The following NEK4 variants were observed in gnomAD, a reference collection of about 807,000 sequenced individuals.
NEK4 encodes the protein NIMA related kinase 4.
NEK4 carries 86 observed loss-of-function variants against 98.4 expected under a neutral mutation model. The observed-to-expected ratio is 0.87, with a 90% CI of 0.73 to 1.05. NEK4 has a LOEUF of 1.05. NEK4 is among the 50% of genes least tolerant of loss of function. NEK4 has a pLI of 0.00. For missense variants in NEK4, 898 were observed against 950.3 expected, an observed-to-expected ratio of 0.94 and a Z score of 0.72; for synonymous variants, 328 against 342.2, an observed-to-expected ratio of 0.96 and a Z score of 0.46.
At chr3:52,715,996 G>A (rs1224849915) in intron 15 of NEK4, among the ~76,000 whole-genome samples, 1 of 152,208 alleles carries the variant, frequency 6.6e-6, no homozygotes, top group Non-Finnish European at 1.5e-5. Context: ...GGTGCCAGCA[G>A]TGGAAGCTGC....
intron 10 of NEK4, among the ~76,000 whole-genome samples, chr3:52,744,920 G>T (rs1386719618): frequency 6.6e-5 from 10 of 151,322 alleles, no homozygotes; most frequent in Non-Finnish European, 1.5e-4. Context: ...AATCTACTTG[G>T]TTTCTTTTTT....
chr3:52,763,332 C>A, intron 5 of NEK4, 138 bp downstream of exon 5: 1 of 871,328 alleles, frequency 1.1e-6, no homozygotes, highest in Non-Finnish European at 1.7e-6. Flanking sequence ...ATTTTGCCTC[C>A]TCTACATATG....
chr3:52,719,105 C>T (rs796833138), intron 15 of NEK4, among the ~76,000 whole-genome samples: 10 of 152,304 alleles, frequency 6.6e-5, no homozygotes, highest in African/African-American at 2.2e-4. Flanking sequence ...GAGGAGTACT[C>T]TTAAAGGCAG....
In NEK4 at chr3:52,746,772, T is replaced by C. The variant is rs758211058; in HGVS notation, c.1639A>G (p.Arg547Gly). The C allele has an allele frequency of 4.3e-6, 7 of 1,614,018 alleles. No individual in the cohort carries two copies. Among genetic ancestry groups the C allele is most frequent in the Non-Finnish European group, 5.9e-6 (7 of 1,179,992 alleles). The part of the protein sequence containing the change: ...RQKRREQTEH[R>G]GEKRQVRRDL... ...CTGCGGACCTGTCTCTTTTCCCCTCTGTGCTCAGTCTGTTCTCTCCTCTTT... is the reference window on the plus strand; with the variant it reads ...CTGCGGACCTGTCTCTTTTCCCCTCCGTGCTCAGTCTGTTCTCTCCTCTTT... The change falls in exon 9 of 16, where the codon AGA (arginine) becomes GGA (glycine). Residue 547 changes from arginine to glycine, a missense_variant. Arg to Gly is a moderately radical substitution (Grantham distance 125). Coordinates refer to ENST00000233027, the MANE Select transcript of NEK4 (RefSeq NM_003157.6).
intron 15 of NEK4, among the ~76,000 whole-genome samples, chr3:52,718,064 G>A (rs185134842): frequency 1.3e-5 from 2 of 152,168 alleles, no homozygotes; most frequent in East Asian, 3.9e-4. Flanking sequence ...AAGGTTCTGG[G>A]ATCACAGGCG....
At chr3:52,733,752 C>G (rs2097372216) in intron 15 of NEK4, 2 of 442,430 alleles carry the variant, frequency 4.5e-6, no homozygotes, top group Admixed American at 5.1e-5. Flanking sequence ...ATAATTCATA[C>G]TGGAGAGAGA....
chr3:52,718,346 G>A (rs1016355140), intron 15 of NEK4, among the ~76,000 whole-genome samples: 4 of 151,418 alleles, frequency 2.6e-5, no homozygotes, highest in Middle Eastern at 3.4e-3. Flanking sequence ...GGTGGCAGAC[G>A]CCAGTAATCC....
At chr3:52,721,704 C>G (rs2097360252) in intron 15 of NEK4, among the ~76,000 whole-genome samples, 1 of 151,172 alleles carries the variant, frequency 6.6e-6, no homozygotes, top group Non-Finnish European at 1.5e-5. Flanking sequence ...CCATTGTACT[C>G]CAGCCTGGGT....
At chr3:52,753,201 G>A (rs1336602121) in intron 6 of NEK4, among the ~76,000 whole-genome samples, 2 of 152,010 alleles carry the variant, frequency 1.3e-5, no homozygotes, top group Non-Finnish European at 2.9e-5. Context: ...CTACTTGGAA[G>A]CCTGAGTGGG....
At chr3:52,731,915 A>C (rs1034547501) in intron 15 of NEK4, among the ~76,000 whole-genome samples, 1 of 152,208 alleles carries the variant, frequency 6.6e-6, no homozygotes, top group Non-Finnish European at 1.5e-5. Flanking sequence ...GGTTCTCATG[A>C]TAGTGAGTAA....
rs1431465309 is a variant in NEK4 at position 52,709,378 on chromosome 3, CAAAAT to C, written c.*2394_*2398del. On this transcript the variant is annotated 3_prime_UTR_variant, in exon 16 of 16. Transcript: ENST00000233027. ...AAAGTGGGAAGAAAAGATGTTTAAA[CAAAAT>C]AAAAATATACAGTATGGTAATTAAT... 2 of 151,842 alleles carry C rather than the reference CAAAAT, an allele frequency of 1.3e-5. No individual in the cohort carries two copies. Among genetic ancestry groups the C allele is most frequent in the South Asian group, 2.1e-4 (1 of 4,822 alleles). The allele number at this position is 151,842 out of a possible 1,614,324, so 9.4% of individuals were successfully genotyped here. A position where few individuals can be genotyped will look rare whatever the true frequency, so the allele number is the denominator to read the frequency against.
intron 15 of NEK4, among the ~76,000 whole-genome samples, chr3:52,728,311 G>A (rs917403164): frequency 1.3e-5 from 2 of 152,204 alleles, no homozygotes; most frequent in Non-Finnish European, 2.9e-5. Flanking sequence ...TAGAGGTAGA[G>A]GTTACAGAGA....
chr3:52,755,945 T>C (rs2097414399), intron 6 of NEK4, among the ~76,000 whole-genome samples: 1 of 152,002 alleles, frequency 6.6e-6, no homozygotes, highest in African/African-American at 2.4e-5. Context: ...TTTACAATAG[T>C]ATCAAAAATA....
chr3:52,739,678 A>G, intron 13 of NEK4, 44 bp from the exon 14 acceptor site: 1 of 1,520,942 alleles, frequency 6.6e-7, no homozygotes, highest in South Asian at 1.2e-5. Context: ...TGGCTTCATG[A>G]GAATTTTTCA....
chr3:52,714,841 C>T (rs11716747), intron 15 of NEK4, among the ~76,000 whole-genome samples: 69,224 of 152,082 alleles, frequency 0.46, 16,076 homozygotes, highest in Admixed American at 0.52. Context: ...TAAGCCCAGG[C>T]GCGGTCAAAG....
At chr3:52,720,062 C>A (rs1326000120) in intron 15 of NEK4, among the ~76,000 whole-genome samples, 1 of 152,112 alleles carries the variant, frequency 6.6e-6, no homozygotes, top group African/African-American at 2.4e-5. Flanking sequence ...GTGGGCGAAT[C>A]ACTTGAGGTC....
chr3:52,752,414 G>A, intron 6 of NEK4, 78 bp from the exon 7 acceptor site: 1 of 1,396,732 alleles, frequency 7.2e-7, no homozygotes, highest in East Asian at 2.3e-5. Context: ...GCAACAAGAG[G>A]TTCCTCAAAA....
At chr3:52,728,250 C>T (rs2097366372) in intron 15 of NEK4, among the ~76,000 whole-genome samples, 1 of 152,284 alleles carries the variant, frequency 6.6e-6, no homozygotes, top group Admixed American at 6.5e-5. Context: ...GTGCCCCACA[C>T]CTGTAGTCCC....
chr3:52,737,800 TGTA>T, intron 14 of NEK4, 81 bp from the exon 15 acceptor site: 3 of 1,029,396 alleles, frequency 2.9e-6, no homozygotes, highest in Non-Finnish European at 4.1e-6. Context: ...TTTAAAATTT[TGTA>T]TTTTATTTTA....
Sources: allele counts gnomAD v4.1 joint callset (sites outside exome capture counted in the v4.1 genomes callset), GRCh38; gene constraint gnomAD v4.1.1; transcripts MANE v1.5; gene names NCBI Gene and HGNC (gene_info 2026-07-23, HGNC 2026-07-21).